The following MTMR8 variants were observed in gnomAD, a reference collection of about 807,000 sequenced individuals.
MTMR8 encodes the protein phosphatidylinositol-3,5-bisphosphate 3-phosphatase MTMR8.
In MTMR8, 65 loss-of-function variants were observed where a neutral mutation model predicts 39.3. The observed-to-expected ratio is 1.65, with a 90% CI of 1.35 to 2.03. The LOEUF (loss-of-function observed/expected upper bound fraction) is 2.03, where lower values mean the gene tolerates loss of function less well. Ranked by LOEUF, MTMR8 falls within the 30% of genes most tolerant of loss-of-function variation. The pLI, the probability that MTMR8 is intolerant of heterozygous loss-of-function variation, is 0.00. For synonymous variants in MTMR8, 245 were observed against 185.2 expected, an observed-to-expected ratio of 1.32 and a Z score of -2.62; for missense variants, 777 against 538.9, an observed-to-expected ratio of 1.44 and a Z score of -4.37.
In MTMR8 at chrX:64,346,984, A is replaced by T. The variant is rs188741286; in HGVS notation, c.732+1676T>A. ...CATTATCTCACTTAATCCTCATTAC[A>T]GCCTCTCAAAATGGGTGCTATATTA... On this transcript the variant is annotated intron_variant, in intron 6 of 13. Transcript: ENST00000374852. Among the ~76,000 whole-genome samples, 165 of 111,437 alleles carry T rather than the reference A, an allele frequency of 1.5e-3. 1 individual carries two copies. The highest frequency in any genetic ancestry group is 5.2e-3 in the African/African-American group (160 of 30,687).
intron 1 of MTMR8, among the ~76,000 whole-genome samples, chrX:64,386,478 C>A (rs5964773): frequency 0.11 from 12,251 of 110,590 alleles, 1,657 homozygotes; most frequent in African/African-American, 0.38. Context: ...TCAGGGGGCA[C>A]TTTAAAACCA....
intron 12 of MTMR8, among the ~76,000 whole-genome samples, chrX:64,296,750 T>C (rs1364581451): frequency 3.6e-5 from 3 of 82,527 alleles, no homozygotes; most frequent in Non-Finnish European, 4.5e-5. Flanking sequence ...CCCAACACAG[T>C]CCCCAGAGTG....
Position 64,345,119 on chromosome X carries a change from G to T in MTMR8, c.791C>A (p.Ala264Asp). ...GCCCATGAATCTGAAGCGAATGTTG[G>T]CATAGTTGTCTTCATTTTCATACCC... is the stretch of plus-strand genomic sequence containing the variant. ...GKGYENEDNY[A>D]NIRFRFMGIE... Residue 264 changes from alanine (A) to aspartate (D), a missense_variant, in exon 7 of 14, where the codon GCC becomes GAC. Ala to Asp is a moderately radical substitution (Grantham distance 126, BLOSUM62 -2). Transcript: ENST00000374852. 8.3e-7 allele frequency: 1 copy of T among 1,210,761 alleles called. No individual in the cohort carries two copies. Among genetic ancestry groups the T allele is most frequent in the Non-Finnish European group, 1.1e-6 (1 of 894,622 alleles).
intron 12 of MTMR8, among the ~76,000 whole-genome samples, chrX:64,276,903 C>T (rs1271339011): frequency 1.8e-5 from 2 of 111,572 alleles, no homozygotes; most frequent in African/African-American, 6.5e-5. Context: ...TTGTAGGTCT[C>T]TAAGAACTTG....
chrX:64,326,509 G>A (rs1415191479), intron 12 of MTMR8, among the ~76,000 whole-genome samples: 1 of 111,389 alleles, frequency 9.0e-6, no homozygotes, highest in African/African-American at 3.3e-5. Context: ...TCTTCACACT[G>A]AAAACTATAA....
chrX:64,378,371 T>A (rs1250321291), intron 1 of MTMR8, among the ~76,000 whole-genome samples: 1 of 111,281 alleles, frequency 9.0e-6, no homozygotes. Context: ...CAGGCATAAA[T>A]CACCATGCCA....
In MTMR8 at chrX:64,318,577, T is replaced by C. The variant is rs1346786499; in HGVS notation, c.1481+10195A>G. 2.7e-5 allele frequency among the ~76,000 whole-genome samples: 3 copies of C among 111,654 alleles called. No homozygotes were observed. The East Asian group carries it at 8.4e-4, about 31-fold the overall frequency. ...TAGTCAATCTGCCTTCTACTCTGAA[T>C]TTTTCATGATGGGTTAATATTTGTT... On this transcript the variant is annotated intron_variant, in intron 12 of 13. Coordinates refer to ENST00000374852, the MANE Select transcript of MTMR8 (RefSeq NM_017677.4).
chrX:64,318,232 A>G (rs1468162081), intron 12 of MTMR8, among the ~76,000 whole-genome samples: 1 of 112,416 alleles, frequency 8.9e-6, no homozygotes, highest in Non-Finnish European at 1.9e-5. Context: ...CCACCCTGGC[A>G]GGGGGCCATT....
intron 12 of MTMR8, among the ~76,000 whole-genome samples, chrX:64,303,523 T>G (rs1921974969): frequency 8.9e-6 from 1 of 112,356 alleles, no homozygotes; most frequent in East Asian, 2.8e-4. Context: ...TAACGTGATA[T>G]ATTTCTTATA....
chrX:64,332,129 T>C (rs1922959921), intron 10 of MTMR8, among the ~76,000 whole-genome samples: 1 of 112,463 alleles, frequency 8.9e-6, no homozygotes, highest in South Asian at 3.6e-4. Context: ...TTTAATTGTA[T>C]TTAATTTTAA....
At chrX:64,317,310 T>C (rs1922496198) in intron 12 of MTMR8, among the ~76,000 whole-genome samples, 1 of 110,966 alleles carries the variant, frequency 9.0e-6, no homozygotes, top group African/African-American at 3.3e-5. Context: ...CTTTCCTCTT[T>C]CCTTCCAAGT....
intron 1 of MTMR8, among the ~76,000 whole-genome samples, chrX:64,381,588 T>A (rs1924426786): frequency 9.0e-6 from 1 of 110,888 alleles, no homozygotes; most frequent in African/African-American, 3.3e-5. Flanking sequence ...TCTTTTGCTG[T>A]GCAGAAGCTC....
At chrX:64,352,263 G>A (rs779835240) in intron 4 of MTMR8, among the ~76,000 whole-genome samples, 7 of 111,450 alleles carry the variant, frequency 6.3e-5, no homozygotes, top group Non-Finnish European at 1.3e-4. Flanking sequence ...TGTGTCCTAC[G>A]TCACTCTGCT....
chrX:64,333,466 C>CAAGCT (rs1300336277), intron 10 of MTMR8, among the ~76,000 whole-genome samples: 2 of 111,950 alleles, frequency 1.8e-5, no homozygotes, highest in Admixed American at 1.9e-4. Flanking sequence ...CATTATAGCT[C>CAAGCT]AAGCTAATCT....
chrX:64,271,632 A>G (rs1380528414), intron 12 of MTMR8, among the ~76,000 whole-genome samples: 1 of 112,327 alleles, frequency 8.9e-6, no homozygotes, highest in African/African-American at 3.2e-5. Context: ...TCAGGAGGAA[A>G]CCCCCATTCC....
chrX:64,307,463 C>T (rs1922156294), intron 12 of MTMR8, among the ~76,000 whole-genome samples: 1 of 111,806 alleles, frequency 8.9e-6, no homozygotes, highest in African/African-American at 3.2e-5. Context: ...GTTGAAAAGA[C>T]TATCCTTCCC....
At chrX:64,336,904 G>A (rs751748969) in intron 9 of MTMR8, among the ~76,000 whole-genome samples, 1 of 112,327 alleles carries the variant, frequency 8.9e-6, no homozygotes, top group Non-Finnish European at 1.9e-5. Flanking sequence ...TTTAGATTCA[G>A]CATTAGAAAA....
At chrX:64,319,380 T>C (rs1168758457) in intron 12 of MTMR8, among the ~76,000 whole-genome samples, 1 of 112,541 alleles carries the variant, frequency 8.9e-6, no homozygotes, top group African/African-American at 3.2e-5. Context: ...GGTAGTTTCT[T>C]CTGCTGTGCA....
rs765752889 is a variant in MTMR8, at chrX:64,345,070, C to T, written c.840G>A (p.Arg280=). ...FMGIENIHVM[R]SSLQKLLEVC... is the part of the protein sequence containing the mutation. ...CTTCCAAGAGTTTCTGCAGACTGCT[C>T]CGCATTACATGGATGTTCTCAATGC... The change falls in exon 7 of 14, where the codon CGG becomes CGA. Residue 280 remains arginine (R), a synonymous_variant. Transcript: ENST00000374852. The T allele has an allele frequency of 2.5e-6, 3 of 1,211,158 alleles. No individual in the cohort carries two copies. The highest frequency in any genetic ancestry group is 3.4e-6 in the Non-Finnish European group (3 of 895,112).
Sources: allele counts gnomAD v4.1 joint callset (sites outside exome capture counted in the v4.1 genomes callset), GRCh38; gene constraint gnomAD v4.1.1; transcripts MANE v1.5; gene names NCBI Gene and HGNC (gene_info 2026-07-23, HGNC 2026-07-21).